The following NDRG2 variants were observed in gnomAD, a reference collection of about 807,000 sequenced individuals.
NDRG2 encodes the protein protein NDRG2.
In NDRG2, 34 loss-of-function variants were observed where a neutral mutation model predicts 58.2. The ratio of observed to expected loss-of-function variants is 0.58; its 90% CI spans 0.44 to 0.78. The LOEUF (loss-of-function observed/expected upper bound fraction) is 0.78. Ranked by LOEUF, NDRG2 falls within the 30% of genes least tolerant of loss-of-function variation. NDRG2 has a pLI of 0.00. For missense variants in NDRG2, 434 were observed against 471.2 expected (o/e 0.92, Z 0.73); for synonymous variants, 187 against 175.9 (o/e 1.06, Z -0.50).
At chr14:21,035,092 G>A (rs779531390) in intron 1 of NDRG2, among the ~76,000 whole-genome samples, 1 of 152,164 alleles carries the variant, frequency 6.6e-6, no homozygotes, top group Non-Finnish European at 1.5e-5. Context: ...TCCCACTCAC[G>A]GGAGCCCAGG....
intron 1 of NDRG2, among the ~76,000 whole-genome samples, chr14:21,061,201 G>C (rs4982400): frequency 0.91 from 137,788 of 152,226 alleles, 62,520 homozygotes; most frequent in African/African-American, 0.96. Flanking sequence ...TTTCCCGTTG[G>C]ATATTTCTGG....
chr14:21,038,138 A>G lies in NDRG2; in HGVS notation c.25-14817T>C, dbSNP rs1884735138. 2.6e-5 allele frequency among the ~76,000 whole-genome samples: 4 copies of G among 152,180 alleles called. No individual in the cohort carries two copies. The South Asian group carries it at 8.3e-4, about 32-fold the overall frequency. ...CTTCTCATAGCATCACCTCAAACCC[A>G]GGGCTGAAGTCTAGAAGCCGCATTG... On this transcript the variant is annotated intron_variant, in intron 1 of 14. Coordinates refer to the NDRG2 transcript ENST00000403829.
upstream of NDRG2, chr14:21,029,129 C>T (rs1229055033): frequency 6.6e-6 from 1 of 152,184 alleles, no homozygotes; most frequent in East Asian, 1.9e-4. Flanking sequence ...GCTTGCTGGG[C>T]CCAACACTGG....
chr14:21,022,907 T>C lies in NDRG2; in HGVS notation c.76-2A>G, dbSNP rs1881420696. 1 of 1,614,044 alleles carries C rather than the reference T, an allele frequency of 6.2e-7. No homozygotes were observed. Among genetic ancestry groups the C allele is most frequent in the Non-Finnish European group, 8.5e-7 (1 of 1,179,984 alleles). Reference sequence around the variant, plus strand: ...GATTCGGGCAGCTAACTCAGCCTCCTGGAGAGACACACACGGATTCACACA... The same window carrying C: ...GATTCGGGCAGCTAACTCAGCCTCCCGGAGAGACACACACGGATTCACACA... On this transcript the variant is annotated splice_acceptor_variant, in intron 2 of 15. Transcript: ENST00000556147. LOFTEE classifies it high-confidence loss of function.
intron 1 of NDRG2, among the ~76,000 whole-genome samples, chr14:21,040,980 G>GTTGT (rs144685402): frequency 0.64 from 96,383 of 150,678 alleles, 31,600 homozygotes; most frequent in Non-Finnish European, 0.71. Flanking sequence ...GTTTTTTGTT[G>GTTGT]TTGTTTGTTT....
chr14:21,024,393 C>A lies in NDRG2; in HGVS notation c.-370G>T. ...CCTCCGGATTCGAATCCCGGCTCTGCCACTCCCAGTGTGACCTTGCCCCAG... is the reference window on the plus strand; with the variant it reads ...CCTCCGGATTCGAATCCCGGCTCTGACACTCCCAGTGTGACCTTGCCCCAG... On this transcript the variant is annotated 5_prime_UTR_variant, in exon 1 of 16. Coordinates refer to ENST00000556147, the MANE Select transcript of NDRG2 (RefSeq NM_001320329.2). 2 of 905,754 alleles carry A rather than the reference C, an allele frequency of 2.2e-6. No individual in the cohort carries two copies. The highest frequency in any genetic ancestry group is 2.6e-6 in the Non-Finnish European group (2 of 757,460). 56.1% of individuals were successfully genotyped at this position (905,754 alleles called of 1,614,324 possible).
At chr14:21,068,928 A>G (rs943990) in intron 1 of NDRG2, among the ~76,000 whole-genome samples, 134,886 of 152,276 alleles carry the variant, frequency 0.89, 60,150 homozygotes, top group African/African-American at 0.94. Context: ...CCTTGGCGGC[A>G]CCCCCGCCTC....
At chr14:21,023,143 G>A in intron 2 of NDRG2, 98 bp downstream of exon 2, 1 of 1,060,134 alleles carries the variant, frequency 9.4e-7, no homozygotes, top group Non-Finnish European at 1.4e-6. Context: ...GCAGTGGTGT[G>A]AGTTAGAATA....
intron 1 of NDRG2, among the ~76,000 whole-genome samples, chr14:21,066,847 A>G (rs575701972): frequency 6.6e-6 from 1 of 152,356 alleles, no homozygotes; most frequent in African/African-American, 2.4e-5. Context: ...AACCAATGAA[A>G]AATTAAACCA....
chr14:21,027,934 C>T (rs1883807070), upstream of NDRG2, among the ~76,000 whole-genome samples: 1 of 152,210 alleles, frequency 6.6e-6, no homozygotes, highest in Non-Finnish European at 1.5e-5. Context: ...GAGGCAGAAA[C>T]ATTCAGGTTA....
At chr14:21,036,084 C>T (rs559032126) in intron 1 of NDRG2, 17 of 409,924 alleles carry the variant, frequency 4.1e-5, no homozygotes, top group South Asian at 1.1e-4. Flanking sequence ...GACCAGTGCC[C>T]GGCACATGGT....
chr14:21,019,262 C>T (rs1450048769), intron 10 of NDRG2, 102 bp from the exon 11 acceptor site: 12 of 1,190,110 alleles, frequency 1.0e-5, no homozygotes, highest in Admixed American at 9.5e-5. Context: ...CTAAAAATTA[C>T]GGTCAAATCT....
chr14:21,029,374 G>T (rs1883906591), upstream of NDRG2: 1 of 152,244 alleles, frequency 6.6e-6, no homozygotes, highest in South Asian at 2.1e-4. Context: ...GCTGAGGCAG[G>T]TGGATCACTT....
At chr14:21,053,609 A>G (rs1885558921) in intron 1 of NDRG2, among the ~76,000 whole-genome samples, 1 of 152,170 alleles carries the variant, frequency 6.6e-6, no homozygotes, top group African/African-American at 2.4e-5. Context: ...CCTGGGCGGC[A>G]GAGCAAGACT....
At chr14:21,022,823 C>G in intron 3 of NDRG2, 41 bp downstream of exon 3, 3 of 1,599,576 alleles carry the variant, frequency 1.9e-6, no homozygotes, top group Non-Finnish European at 2.6e-6. Flanking sequence ...GGGAAGAGGA[C>G]AGCCCCTCCT....
upstream of NDRG2, chr14:21,025,089 G>T (rs977752865): frequency 3.0e-6 from 3 of 985,748 alleles, no homozygotes; most frequent in Non-Finnish European, 3.6e-6. This position sits in a 1 kb window ranked among gnomAD's most constrained non-coding sequence, Gnocchi z 5.1. Flanking sequence ...GCCCCGGCTC[G>T]GGCTTCCCGC....
chr14:21,056,661 T>A (rs1353854419), intron 1 of NDRG2, among the ~76,000 whole-genome samples: 1 of 152,192 alleles, frequency 6.6e-6, no homozygotes, highest in Non-Finnish European at 1.5e-5. Context: ...AGAGACACAC[T>A]CACTCTGCTC....
intron 1 of NDRG2, among the ~76,000 whole-genome samples, chr14:21,062,020 C>T (rs1041164872): frequency 7.9e-5 from 12 of 152,108 alleles, no homozygotes; most frequent in Non-Finnish European, 1.8e-4. Flanking sequence ...TAACTACTTA[C>T]AAATAAGATC....
Position 21,024,022 on chromosome 14 carries a change from T to C in NDRG2, c.-7+8A>G. The C allele has an allele frequency of 1.0e-6, 1 of 985,516 alleles. No homozygotes were observed. The highest frequency in any genetic ancestry group is 1.2e-6 in the Non-Finnish European group (1 of 830,074). 61.0% of individuals were successfully genotyped at this position (985,516 alleles called of 1,614,324 possible). The stretch of plus-strand genomic sequence containing the variant: ...GGAGCCTGCAGCCTGCGGGGTGGGG[T>C]CACTTACTGGGCTCCTATTGGCTGG... On this transcript the variant is annotated splice_region_variant and intron_variant, in intron 1 of 15. Coordinates refer to ENST00000556147, the MANE Select transcript of NDRG2 (RefSeq NM_001320329.2).
Sources: allele counts gnomAD v4.1 joint callset (sites outside exome capture counted in the v4.1 genomes callset), GRCh38; gene constraint gnomAD v4.1.1; non-coding constraint Gnocchi (gnomAD v3.1); transcripts MANE v1.5; gene names NCBI Gene and HGNC (gene_info 2026-07-23, HGNC 2026-07-21).